Variants in PRKD1 observed in about 807,000 individuals in gnomAD.
The protein encoded by PRKD1 is serine/threonine-protein kinase D1.
Under a neutral mutation model 95.9 loss-of-function variants are expected in PRKD1, and 63 were observed. The ratio of observed to expected loss-of-function variants is 0.66; its 90% CI spans 0.54 to 0.81. PRKD1 has a LOEUF of 0.81. Among genes scored for constraint, PRKD1 ranks in the 30% least tolerant of loss-of-function variants. The pLI is 0.00. For synonymous variants in PRKD1, 425 were observed against 423.1 expected (o/e 1.00, Z -0.05); for missense variants, 1,048 against 1,165.3 (o/e 0.90, Z 1.47).
chr14:29,799,573 G>A (rs1176904689), intron 1 of PRKD1, among the ~76,000 whole-genome samples: 1 of 152,178 alleles, frequency 6.6e-6, no homozygotes, highest in African/African-American at 2.4e-5. Context: ...ATCTTCAGAA[G>A]CCAAACACTG....
intron 1 of PRKD1, among the ~76,000 whole-genome samples, chr14:29,809,418 T>G (rs1890385581): frequency 1.3e-5 from 2 of 152,208 alleles, no homozygotes; most frequent in African/African-American, 4.8e-5. Flanking sequence ...CCTAGATGCT[T>G]CTTCTTCCGA....
At chr14:29,851,779 T>G (rs527842880) in intron 1 of PRKD1, among the ~76,000 whole-genome samples, 1 of 147,668 alleles carries the variant, frequency 6.8e-6, no homozygotes, top group Admixed American at 6.7e-5. Flanking sequence ...ACACATACAC[T>G]TATATGTTCA....
chr14:29,645,140 TA>T (rs1233275020), intron 4 of PRKD1, among the ~76,000 whole-genome samples: 16 of 152,216 alleles, frequency 1.1e-4, no homozygotes, highest in Middle Eastern at 3.4e-3. Context: ...TAGAAAACAG[TA>T]AGTATTTTCT....
chr14:29,921,767 A>G (rs958957271), intron 1 of PRKD1, among the ~76,000 whole-genome samples: 2 of 152,184 alleles, frequency 1.3e-5, no homozygotes, highest in African/African-American at 4.8e-5. Context: ...CTTCTGGGGC[A>G]AGTTTTTAAA....
intron 4 of PRKD1, among the ~76,000 whole-genome samples, chr14:29,646,766 C>T (rs534548092): frequency 6.8e-6 from 1 of 146,048 alleles, no homozygotes; most frequent in African/African-American, 2.6e-5. Context: ...AAAAAAAAAA[C>T]CCACACAGTC....
intron 2 of PRKD1, among the ~76,000 whole-genome samples, chr14:29,708,528 A>T (rs1432970005): frequency 1.3e-5 from 2 of 152,176 alleles, no homozygotes; most frequent in Non-Finnish European, 2.9e-5. Context: ...AGGTAAAGGG[A>T]TCAAGCATCC....
intron 13 of PRKD1, among the ~76,000 whole-genome samples, chr14:29,623,823 G>A (rs1041079555): frequency 6.6e-6 from 1 of 151,960 alleles, no homozygotes; most frequent in African/African-American, 2.4e-5. Flanking sequence ...CAGCATAAAG[G>A]CATGTTTATG....
At chr14:29,665,979 G>A (rs903933767) in intron 3 of PRKD1, 98 bp downstream of exon 3, 63 of 1,336,548 alleles carry the variant, frequency 4.7e-5, no homozygotes, top group Non-Finnish European at 6.2e-5. Context: ...TGGTTGATGG[G>A]CACTTAGCTT....
At chr14:29,688,948 C>CAAAAAAAAAAAAAAAAAA (rs377212196) in intron 2 of PRKD1, among the ~76,000 whole-genome samples, 1 of 32,486 alleles carries the variant, frequency 3.1e-5, no homozygotes, top group African/African-American at 9.4e-5. Context: ...GACTCCGTCT[C>CAAAAAAAAAAAAAAAAAA]AAAAAAAAAA....
intron 2 of PRKD1, among the ~76,000 whole-genome samples, chr14:29,669,380 T>C (rs1485088594): frequency 2.0e-5 from 3 of 152,206 alleles, no homozygotes; most frequent in South Asian, 2.1e-4. Context: ...TGTCCCCACA[T>C]TGAATTGATT....
intron 2 of PRKD1, among the ~76,000 whole-genome samples, chr14:29,720,438 CT>C (rs1385699953): frequency 2.6e-5 from 4 of 151,976 alleles, no homozygotes; most frequent in African/African-American, 9.7e-5. Flanking sequence ...CTGTATGATA[CT>C]TTCATCTAGT....
intron 1 of PRKD1, among the ~76,000 whole-genome samples, chr14:29,794,390 C>A (rs968516728): frequency 2.0e-5 from 3 of 151,890 alleles, no homozygotes; most frequent in Admixed American, 6.6e-5. Context: ...TATAAATTAT[C>A]AAGGTTTTTT....
chr14:29,856,840 C>G (rs961877058), intron 1 of PRKD1, among the ~76,000 whole-genome samples: 1 of 152,184 alleles, frequency 6.6e-6, no homozygotes, highest in African/African-American at 2.4e-5. Flanking sequence ...TCTTCTGTAG[C>G]CTAATCCATT....
At chr14:29,715,521 A>G (rs982598940) in intron 2 of PRKD1, among the ~76,000 whole-genome samples, 1 of 152,146 alleles carries the variant, frequency 6.6e-6, no homozygotes, top group Non-Finnish European at 1.5e-5. Context: ...CTCTCAGCCA[A>G]TTCTCATCAA....
At chr14:29,870,173 G>C (rs1893052865) in intron 1 of PRKD1, among the ~76,000 whole-genome samples, 1 of 152,140 alleles carries the variant, frequency 6.6e-6, no homozygotes, top group Non-Finnish European at 1.5e-5. Flanking sequence ...ATGAGCAAAA[G>C]CACACCTCTT....
At position 29,577,401 on chromosome 14, in the gene PRKD1, T is replaced by G; in HGVS notation, c.2576A>C (p.Tyr859Ser). 3.1e-6 allele frequency: 5 copies of G among 1,613,842 alleles called. No individual in the cohort carries two copies. The highest frequency in any genetic ancestry group is 4.2e-6 in the Non-Finnish European group (5 of 1,179,808). ...RELECKIGER[Y>S]ITHESDDLRW... ...CAGGTCATCACTTTCATGGGTGATG[T>G]AGCGCTCCCCGATTTTGCATTCCAG... The change falls in exon 18 of 18, where the codon TAC becomes TCC. Residue 859 changes from tyrosine (Y) to serine (S), a missense_variant. By Grantham distance (144) the Tyr-to-Ser change is moderately radical. Around this residue, in one of 3 missense-constraint regions of PRKD1, gnomAD observed 739 missense variants for 861.9 expected, o/e 0.86. Coordinates refer to ENST00000331968, the MANE Select transcript of PRKD1 (RefSeq NM_002742.3).
intron 2 of PRKD1, among the ~76,000 whole-genome samples, chr14:29,685,012 AGGAT>A: frequency 6.6e-6 from 1 of 152,322 alleles, no homozygotes; most frequent in Middle Eastern, 3.4e-3. Flanking sequence ...TATTGTTTGT[AGGAT>A]GGAGTCCTTC....
chr14:29,730,578 T>C (rs1409556667), intron 1 of PRKD1, among the ~76,000 whole-genome samples: 3 of 152,184 alleles, frequency 2.0e-5, no homozygotes, highest in African/African-American at 7.2e-5. Flanking sequence ...CATTCCCATG[T>C]TCACTGCAGC....
intron 2 of PRKD1, among the ~76,000 whole-genome samples, chr14:29,685,221 A>T (rs895156323): frequency 2.2e-4 from 34 of 152,208 alleles, no homozygotes; most frequent in African/African-American, 8.0e-4. Context: ...TATACAGAAC[A>T]TCTAACTTGA....
Sources: gnomAD v4.1 joint callset for allele counts (sites outside exome capture counted in the v4.1 genomes callset) on GRCh38, gnomAD v4.1.1 for gene constraint, gnomAD v4.1.1 regional missense constraint, MANE v1.5 for transcripts, NCBI Gene and HGNC (gene_info 2026-07-23, HGNC 2026-07-21) for gene names.